FBN2: variants seen among roughly 807,000 people sequenced by gnomAD.
FBN2 encodes the protein fibrillin-2.
In FBN2, 105 loss-of-function variants were observed where a neutral mutation model predicts 355.6. That is an observed-to-expected ratio of 0.30 (90% CI 0.25 to 0.35). FBN2 has a LOEUF of 0.35. Among genes scored for constraint, FBN2 ranks in the 10% least tolerant of loss-of-function variants. The probability of loss-of-function intolerance (pLI) is 1.00; values close to 1 mark genes in which losing one functional copy is unlikely to be tolerated. For synonymous variants in FBN2, 1,350 were observed against 1,301.2 expected (o/e 1.04, Z -0.81); for missense variants, 3,280 against 3,758.7 (o/e 0.87, Z 3.33).
chr5:128,373,007 A>C (rs1235088405), intron 15 of FBN2, among the ~76,000 whole-genome samples: 1 of 152,236 alleles, frequency 6.6e-6, no homozygotes, highest in Non-Finnish European at 1.5e-5. Flanking sequence ...AGCATGTTAT[A>C]GAAACAGTAA....
At chr5:128,284,752 T>C (rs1459242849) in intron 55 of FBN2, among the ~76,000 whole-genome samples, 1 of 152,224 alleles carries the variant, frequency 6.6e-6, no homozygotes, top group Non-Finnish European at 1.5e-5. Context: ...GCTTCTCCTC[T>C]TCCTGCCTCA....
intron 5 of FBN2, among the ~76,000 whole-genome samples, chr5:128,481,515 T>C (rs1044036146): frequency 7.9e-5 from 12 of 152,152 alleles, no homozygotes; most frequent in Admixed American, 3.9e-4. Context: ...AGGCTCTGAA[T>C]GCCTAATGAT....
chr5:128,339,040 G>T lies in FBN2; in HGVS notation c.3365C>A (p.Ser1122Tyr), dbSNP rs1243354493. Residue 1122 changes from serine (S) to tyrosine (Y), a missense_variant, in exon 26 of 65, where the codon TCT becomes TAT. By Grantham distance (144) the Ser-to-Tyr change is moderately radical (BLOSUM62 -2). Coordinates refer to ENST00000262464, the MANE Select transcript of FBN2 (RefSeq NM_001999.4). ...GATTCCACTGCCACAGAGGTCAGGA[G>T]AAATCCTGCACTCGTCGATGTCTAA... ...NCTDIDECRISPDLCGSGICV... is the reference protein window; with the variant it reads ...NCTDIDECRIYPDLCGSGICV... 1 of 1,613,836 alleles carries T rather than the reference G, an allele frequency of 6.2e-7. No homozygotes were observed. Among genetic ancestry groups the T allele is most frequent in the Non-Finnish European group, 8.5e-7 (1 of 1,179,854 alleles).
chr5:128,441,265 A>C (rs1414863561), intron 7 of FBN2, among the ~76,000 whole-genome samples: 2 of 152,174 alleles, frequency 1.3e-5, no homozygotes, highest in Non-Finnish European at 2.9e-5. Flanking sequence ...TGCAATGGGC[A>C]AAGGGAGAAT....
intron 17 of FBN2, chr5:128,365,297 T>C (rs1402432827): frequency 6.5e-6 from 1 of 153,664 alleles, no homozygotes; most frequent in African/African-American, 2.4e-5. Context: ...TACTACTATA[T>C]CACCGAGGGG....
At chr5:128,531,513 C>T (rs1399018533) in intron 2 of FBN2, among the ~76,000 whole-genome samples, 1 of 151,980 alleles carries the variant, frequency 6.6e-6, no homozygotes, top group East Asian at 1.9e-4. Context: ...CACTAAAGGA[C>T]ATATTCGTGC....
chr5:128,460,235 G>A (rs187629006), intron 6 of FBN2, among the ~76,000 whole-genome samples: 209 of 152,006 alleles, frequency 1.4e-3, no homozygotes, highest in Admixed American at 3.7e-3. Context: ...GAGTCAAATC[G>A]TGAGAGAACT....
In FBN2 at chr5:128,361,798, G is replaced by C. The variant is rs574985859; in HGVS notation, c.2479C>G (p.Arg827Gly). 3.7e-6 allele frequency: 6 copies of C among 1,613,980 alleles called. No individual in the cohort carries two copies. Among genetic ancestry groups the C allele is most frequent in the Middle Eastern group, 1.6e-4 (1 of 6,062 alleles). The change falls in exon 19 of 65, where the codon CGA (arginine) becomes GGA (glycine). Residue 827 changes from arginine (R) to glycine (G), a missense_variant. Transcript: ENST00000262464. Reference protein sequence around the residue: ...NRLLCDNGLCRNTPGSYSCTC... With the variant: ...NRLLCDNGLCGNTPGSYSCTC... ...CAGCTGTAACTTCCTGGCGTGTTTCGGCACAATCCGTTATCACAAAGCAGT... is the reference window on the plus strand; with the variant it reads ...CAGCTGTAACTTCCTGGCGTGTTTCCGCACAATCCGTTATCACAAAGCAGT...
intron 8 of FBN2, among the ~76,000 whole-genome samples, chr5:128,397,052 G>C (rs1182854569): frequency 6.6e-6 from 1 of 151,896 alleles, no homozygotes; most frequent in African/African-American, 2.4e-5. Flanking sequence ...TATAAGAATC[G>C]AACAACTCCT....
rs747136330 is a variant in FBN2, at chr5:128,286,868, A to T, written c.6881-19T>A. The stretch of plus-strand genomic sequence containing the variant: ...TCCAGATCTAGAACAAAAAATAAAA[A>T]TTAAAAATTATCTGGAGCAAGCTGT... On this transcript the variant is annotated intron_variant, in intron 54 of 64. Transcript: ENST00000262464. 6.2e-6 allele frequency: 10 copies of T among 1,612,364 alleles called. No homozygotes were observed. In the East Asian group the frequency reaches 2.2e-4, roughly 36 times the overall value.
At chr5:128,299,143 T>C (rs1749631599) in intron 48 of FBN2, among the ~76,000 whole-genome samples, 2 of 152,040 alleles carry the variant, frequency 1.3e-5, no homozygotes, top group South Asian at 2.1e-4. Context: ...GTTAGGCTGC[T>C]CGGGGGTCAG....
At chr5:128,508,531 G>A (rs1193689166) in intron 5 of FBN2, among the ~76,000 whole-genome samples, 1 of 151,768 alleles carries the variant, frequency 6.6e-6, no homozygotes, top group Non-Finnish European at 1.5e-5. Context: ...TCTGTGTATT[G>A]TTTTATTATT....
At chr5:128,261,383 G>A (rs1764959810) in intron 64 of FBN2, among the ~76,000 whole-genome samples, 1 of 152,174 alleles carries the variant, frequency 6.6e-6, no homozygotes. Context: ...AGCCTTGTAT[G>A]CTATACATTT....
chr5:128,335,640 T>C lies in FBN2; in HGVS notation c.3725-63A>G, dbSNP rs952215009. The C allele has an allele frequency of 8.8e-6, 14 of 1,593,846 alleles. No individual in the cohort carries two copies. The Middle Eastern group carries it at 9.9e-4, about 113-fold the overall frequency. On this transcript the variant is annotated intron_variant, in intron 28 of 64. Coordinates refer to ENST00000262464, the MANE Select transcript of FBN2 (RefSeq NM_001999.4). ...CTTCCTTAAAAGGAGTTTTCTTCTT[T>C]TTAAACAGATAATGCTAATGTGGCT...
chr5:128,414,051 G>T (rs959340437), intron 7 of FBN2, among the ~76,000 whole-genome samples: 2 of 152,106 alleles, frequency 1.3e-5, no homozygotes, highest in African/African-American at 4.8e-5. Context: ...ATTGATGTCT[G>T]CTTTCCTCTT....
intron 25 of FBN2, among the ~76,000 whole-genome samples, chr5:128,342,154 A>T (rs1348507022): frequency 1.3e-5 from 2 of 152,146 alleles, no homozygotes; most frequent in African/African-American, 2.4e-5. Context: ...TGAAGTCATG[A>T]TGGTAGATGA....
intron 5 of FBN2, among the ~76,000 whole-genome samples, chr5:128,507,626 T>A (rs935238966): frequency 6.6e-6 from 1 of 152,224 alleles, no homozygotes; most frequent in Non-Finnish European, 1.5e-5. Flanking sequence ...TTTGGCGATA[T>A]ATGTCTTTCA....
intron 5 of FBN2, among the ~76,000 whole-genome samples, chr5:128,473,716 A>C (rs1415275200): frequency 6.6e-6 from 1 of 151,718 alleles, no homozygotes; most frequent in Non-Finnish European, 1.5e-5. Flanking sequence ...TAATTTCCTA[A>C]CTCCCAATTA....
chr5:128,361,979 G>T, intron 18 of FBN2, 131 bp from the exon 19 acceptor site: 1 of 926,716 alleles, frequency 1.1e-6, no homozygotes, highest in Non-Finnish European at 1.8e-6. Context: ...GTATCACAGC[G>T]CACTCTTCAT....
Sources: allele counts gnomAD v4.1 joint callset (sites outside exome capture counted in the v4.1 genomes callset), GRCh38; gene constraint gnomAD v4.1.1; transcripts MANE v1.5; gene names NCBI Gene and HGNC (gene_info 2026-07-23, HGNC 2026-07-21).